The following SCHIP1 variants were observed in gnomAD, a reference collection of about 807,000 sequenced individuals.
SCHIP1 encodes the protein schwannomin interacting protein 1.
In SCHIP1, 8 loss-of-function variants were observed where a neutral mutation model predicts 29.7. The observed-to-expected ratio is 0.27, with a 90% confidence interval of 0.16 to 0.49. The LOEUF (loss-of-function observed/expected upper bound fraction) is 0.49, where lower values mean the gene tolerates loss of function less well. SCHIP1 is among the 20% of genes least tolerant of loss of function. The pLI is 0.99. For missense variants in SCHIP1, 193 were observed against 294.6 expected, an observed-to-expected ratio of 0.66 and a Z score of 2.52; for synonymous variants, 76 against 94.9, an observed-to-expected ratio of 0.80 and a Z score of 1.16.
the SCHIP1 span, among the ~76,000 whole-genome samples, chr3:159,740,221 C>T: frequency 2.0e-5 from 3 of 152,232 alleles, no homozygotes; most frequent in African/African-American, 7.2e-5. Flanking sequence ...GGAGGAGCAT[C>T]CTGTCCCCAG....
At chr3:159,566,351 T>G in the SCHIP1 span, among the ~76,000 whole-genome samples, 1 of 152,224 alleles carries the variant, frequency 6.6e-6, no homozygotes, top group Non-Finnish European at 1.5e-5. Flanking sequence ...AAATATTTAA[T>G]GAGCAACTAC....
At chr3:159,672,758 T>C in the SCHIP1 span, among the ~76,000 whole-genome samples, 9,862 of 152,252 alleles carry the variant, frequency 0.065, 1,023 homozygotes, top group African/African-American at 0.22. Context: ...TATTTAATCT[T>C]ACTGGTCCTC....
intron 2 of SCHIP1, among the ~76,000 whole-genome samples, chr3:159,874,321 A>G (rs952289180): frequency 6.6e-6 from 1 of 152,252 alleles, no homozygotes; most frequent in East Asian, 1.9e-4. Context: ...GAAATTCCCC[A>G]GAGAACTTTT....
chr3:159,514,424 A>G, the SCHIP1 span, among the ~76,000 whole-genome samples: 1 of 152,240 alleles, frequency 6.6e-6, no homozygotes. Context: ...AACAAGCTTC[A>G]GTTCCATGCA....
At chr3:159,811,672 G>A in the SCHIP1 span, among the ~76,000 whole-genome samples, 23 of 152,304 alleles carry the variant, frequency 1.5e-4, no homozygotes, top group African/African-American at 4.8e-4. Context: ...GTACCACACA[G>A]TCTTAATTAA....
chr3:159,283,088 C>A, the SCHIP1 span, among the ~76,000 whole-genome samples: 1 of 151,792 alleles, frequency 6.6e-6, no homozygotes, highest in Non-Finnish European at 1.5e-5. Context: ...TGATAAGGAC[C>A]TAAATATGCA....
chr3:159,896,614 C>G, intron 6 of SCHIP1, 109 bp from the exon 8 acceptor site: 1 of 1,068,114 alleles, frequency 9.4e-7, no homozygotes, highest in Admixed American at 2.9e-5. Flanking sequence ...TAATCTATTT[C>G]ACTGTCAGTA....
the SCHIP1 span, among the ~76,000 whole-genome samples, chr3:159,680,673 T>TAC: frequency 2.3e-3 from 16 of 6,980 alleles, 1 homozygote; most frequent in South Asian, 3.7e-3. Flanking sequence ...ATATATATTA[T>TAC]ATATATAATA....
At chr3:159,335,789 T>C in the SCHIP1 span, among the ~76,000 whole-genome samples, 1 of 152,212 alleles carries the variant, frequency 6.6e-6, no homozygotes, top group Non-Finnish European at 1.5e-5. Context: ...TTGTGAATAG[T>C]GCCGCAATAA....
At chr3:159,801,503 C>G in the SCHIP1 span, among the ~76,000 whole-genome samples, 1 of 152,070 alleles carries the variant, frequency 6.6e-6, no homozygotes, top group Non-Finnish European at 1.5e-5. Flanking sequence ...AGAGAGAAAA[C>G]CAGTCTATTC....
At chr3:159,656,597 T>A in the SCHIP1 span, among the ~76,000 whole-genome samples, 160 of 152,272 alleles carry the variant, frequency 1.1e-3, no homozygotes, top group African/African-American at 3.7e-3. Flanking sequence ...GGCAAGTTAT[T>A]CATCTACTCT....
At chr3:159,563,329 G>C in the SCHIP1 span, among the ~76,000 whole-genome samples, 10 of 152,048 alleles carry the variant, frequency 6.6e-5, no homozygotes, top group Non-Finnish European at 1.3e-4. Flanking sequence ...GAGGAATGGA[G>C]TTAAAAGTCA....
At chr3:159,706,644 T>A in the SCHIP1 span, among the ~76,000 whole-genome samples, 25,288 of 151,992 alleles carry the variant, frequency 0.17, 2,312 homozygotes, top group Middle Eastern at 0.24. Context: ...GCACACACAG[T>A]CTAAAGAAGA....
chr3:159,825,602 C>T, the SCHIP1 span, among the ~76,000 whole-genome samples: 2 of 152,208 alleles, frequency 1.3e-5, no homozygotes, highest in African/African-American at 2.4e-5. Context: ...AGTGAGAGAA[C>T]TTCTCGAGAA....
chr3:159,300,609 C>A, the SCHIP1 span, among the ~76,000 whole-genome samples: 1 of 152,166 alleles, frequency 6.6e-6, no homozygotes, highest in Non-Finnish European at 1.5e-5. Context: ...TCTGAACACA[C>A]GGAGTTACAT....
chr3:159,496,861 T>C, the SCHIP1 span, among the ~76,000 whole-genome samples: 6 of 152,202 alleles, frequency 3.9e-5, no homozygotes, highest in Non-Finnish European at 5.9e-5. Context: ...AACCCAAATG[T>C]CCAACAATGA....
At chr3:159,546,066 T>C in the SCHIP1 span, among the ~76,000 whole-genome samples, 1 of 152,130 alleles carries the variant, frequency 6.6e-6, no homozygotes, top group Non-Finnish European at 1.5e-5. Flanking sequence ...CTTGTGTTCA[T>C]TGCATATATG....
chr3:159,396,275 A>G, the SCHIP1 span, among the ~76,000 whole-genome samples: 7 of 151,342 alleles, frequency 4.6e-5, no homozygotes, highest in South Asian at 1.3e-3. Context: ...TCTTTATCCA[A>G]TTTGCCAGTC....
the SCHIP1 span, among the ~76,000 whole-genome samples, chr3:159,396,734 C>G: frequency 0.017 from 2,511 of 151,906 alleles, 56 homozygotes; most frequent in African/African-American, 0.057. Context: ...CCCGACCTTT[C>G]TCTCTGGCTG....
Sources: allele counts gnomAD v4.1 joint callset (sites outside exome capture counted in the v4.1 genomes callset), GRCh38; gene constraint gnomAD v4.1.1; transcripts MANE v1.5; gene names NCBI Gene and HGNC (gene_info 2026-07-23, HGNC 2026-07-21).